Variants in STAP2 observed in about 807,000 individuals in gnomAD.
STAP2 encodes the protein signal transducing adaptor family member 2.
A neutral mutation model predicts 52.7 loss-of-function variants in STAP2; 58 were observed. That is an observed-to-expected ratio of 1.10 (90% CI 0.89 to 1.37). The LOEUF is 1.37. STAP2 is among the 40% of genes most tolerant of loss of function. STAP2 has a pLI of 0.00. For missense variants in STAP2, 522 were observed against 519.4 expected (o/e 1.00, Z -0.05); for synonymous variants, 231 against 210.5 (o/e 1.10, Z -0.84).
At chr19:4,338,378 A>G (rs923809383) in intron 1 of STAP2, 2 of 268,206 alleles carry the variant, frequency 7.5e-6, no homozygotes, top group Admixed American at 5.3e-5. Flanking sequence ...GATTGAGACA[A>G]AGAGAGAGGG....
intron 1 of STAP2, among the ~76,000 whole-genome samples, chr19:4,334,868 TCCCTC>T (rs1227590769): frequency 0.076 from 490 of 6,482 alleles, 1 homozygote; most frequent in Middle Eastern, 0.1. Context: ...TATCAATGCA[TCCCTC>T]CATCCATCCA....
chr19:4,324,749 T>C (rs1971756910), intron 11 of STAP2: 1 of 522,060 alleles, frequency 1.9e-6, no homozygotes, highest in South Asian at 2.1e-5. Context: ...GGAGAATCAC[T>C]TGAACCCGGC....
chr19:4,338,467 C>T (rs1292334024), intron 1 of STAP2, among the ~76,000 whole-genome samples, 185 bp downstream of exon 1: 2 of 152,152 alleles, frequency 1.3e-5, no homozygotes, highest in East Asian at 1.9e-4. Context: ...CAAAGACACA[C>T]GGAGACAGAG....
Position 4,327,384 on chromosome 19 carries a change from T to C in STAP2, c.592A>G (p.Thr198Ala), listed in dbSNP as rs201322610. 3.3e-4 allele frequency: 531 copies of C among 1,614,092 alleles called. 1 individual carries two copies. In the East Asian group the frequency reaches 9.6e-3, roughly 29 times the overall value. The change falls in exon 7 of 13, where the codon ACG (threonine) becomes GCG (alanine). Residue 198 changes from threonine (T) to alanine (A), a missense_variant and splice_region_variant. Physicochemically the swap from Thr to Ala is moderately conservative, Grantham distance 58. Coordinates refer to ENST00000594605, the MANE Select transcript of STAP2 (RefSeq NM_001013841.2). ...ACCTTGTAATGCCGGACCACGTGCG[T>C]CCTGCACCAGGAGAAAGCGAGTGAG... ...SVTTRQMHNG[T>A]HVVRHYKVKR...
chr19:4,328,687 T>C lies in STAP2; in HGVS notation c.578A>G (p.Gln193Arg), dbSNP rs755997585. The change falls in exon 6 of 13, where the codon CAG becomes CGG. Residue 193 changes from glutamine to arginine, a missense_variant. Coordinates refer to ENST00000594605, the MANE Select transcript of STAP2 (RefSeq NM_001013841.2). ...CGCGCATGCGCACCCGTTGTGCATC[T>C]GCCGCGTGGTGACCGACACGCCGTC... ...GADGVSVTTR[Q>R]MHNGTHVVRH... The C allele has an allele frequency of 1.2e-4, 181 of 1,501,150 alleles. 5 individuals are homozygous for C. In the South Asian group the frequency reaches 1.8e-3, roughly 15 times the overall value. The allele number at this position is 1,501,150 out of a possible 1,614,324, so 93.0% of individuals were successfully genotyped here.
chr19:4,338,564 C>CCT, intron 1 of STAP2, 88 bp downstream of exon 1: 4 of 857,372 alleles, frequency 4.7e-6, no homozygotes, highest in South Asian at 1.7e-5. Flanking sequence ...CCCGCCCCCC[C>CCT]TTGGCGAGTG....
At position 4,333,768 on chromosome 19, in the gene STAP2, T is replaced by G. The variant is rs771216248; in HGVS notation, c.223A>C (p.Ile75Leu). Residue 75 changes from isoleucine (I) to leucine (L), a missense_variant, in exon 3 of 13, where the codon ATT becomes CTT. Physicochemically the swap from Ile to Leu is conservative, Grantham distance 5. Coordinates refer to ENST00000594605, the MANE Select transcript of STAP2 (RefSeq NM_001013841.2). ...GGGTCACGTGAGCTTCCCCAGGGAA[T>G]CTCATCTGTGAGTTTCTCAAATGCT... ...LGAFEKLTDE[I>L]PWGSSRDPGT... 8 of 1,613,512 alleles carry G rather than the reference T, an allele frequency of 5.0e-6. No individual in the cohort carries two copies. Among genetic ancestry groups the G allele is most frequent in the Non-Finnish European group, 5.9e-6 (7 of 1,179,978 alleles).
chr19:4,332,798 A>C (rs1568387683), intron 3 of STAP2, among the ~76,000 whole-genome samples: 4 of 152,114 alleles, frequency 2.6e-5, no homozygotes, highest in African/African-American at 9.7e-5. Flanking sequence ...ACTGCACTCC[A>C]GCCTGGGCGA....
chr19:4,329,886 TCA>T, intron 5 of STAP2, 73 bp downstream of exon 5: 1 of 936,598 alleles, frequency 1.1e-6, no homozygotes, highest in South Asian at 1.5e-5. Flanking sequence ...GGGACCCAAC[TCA>T]CCGCCCACCC....
chr19:4,332,249 C>A (rs1455387735), intron 3 of STAP2, among the ~76,000 whole-genome samples, 171 bp from the exon 4 acceptor site: 4 of 140,602 alleles, frequency 2.8e-5, no homozygotes, highest in African/African-American at 1.1e-4. Context: ...CTTCTGTCGC[C>A]CAGGCTAGAG....
intron 12 of STAP2, 33 bp from the exon 13 acceptor site, chr19:4,324,230 T>C: frequency 1.3e-6 from 2 of 1,548,084 alleles, no homozygotes; most frequent in Non-Finnish European, 1.7e-6. Context: ...TGCAGCTGGC[T>C]CAGGGATCCC....
chr19:4,336,226 G>A (rs1294695802), intron 1 of STAP2, among the ~76,000 whole-genome samples: 3 of 151,514 alleles, frequency 2.0e-5, no homozygotes, highest in Non-Finnish European at 4.4e-5. Flanking sequence ...TGTTGGCCAG[G>A]GTGTTCTCGA....
At chr19:4,331,804 C>T (rs1199287056) in intron 4 of STAP2, among the ~76,000 whole-genome samples, 3 of 151,910 alleles carry the variant, frequency 2.0e-5, no homozygotes, top group Non-Finnish European at 4.4e-5. Context: ...TGGTGGCGGG[C>T]TTCTGTAATC....
chr19:4,336,630 CT>C (rs930479673), intron 1 of STAP2, among the ~76,000 whole-genome samples: 36 of 146,656 alleles, frequency 2.5e-4, no homozygotes, highest in Admixed American at 1.5e-3. Flanking sequence ...TCTTTCTTTT[CT>C]TTTTTTTTTC....
chr19:4,332,562 G>T (rs1381407971), intron 3 of STAP2, among the ~76,000 whole-genome samples: 1 of 152,022 alleles, frequency 6.6e-6, no homozygotes, highest in African/African-American at 2.4e-5. Flanking sequence ...GATCAGGCTG[G>T]ATGCAGTGGC....
intron 1 of STAP2, among the ~76,000 whole-genome samples, chr19:4,337,540 C>T (rs1971999154): frequency 7.4e-6 from 1 of 135,826 alleles, no homozygotes; most frequent in Non-Finnish European, 1.6e-5. Context: ...CCAGCAAGAC[C>T]CCATCTTCAA....
At chr19:4,335,213 C>G (rs1971963055) in intron 1 of STAP2, among the ~76,000 whole-genome samples, 1 of 150,512 alleles carries the variant, frequency 6.6e-6, no homozygotes, top group South Asian at 2.1e-4. Flanking sequence ...TCCATCCACT[C>G]ATCCCTCCAT....
At chr19:4,337,939 G>A (rs1397440620) in intron 1 of STAP2, among the ~76,000 whole-genome samples, 3 of 152,176 alleles carry the variant, frequency 2.0e-5, no homozygotes. Context: ...AGGTTCACTT[G>A]AGCCCAGGAG....
At chr19:4,336,835 A>G (rs964428561) in intron 1 of STAP2, among the ~76,000 whole-genome samples, 2 of 146,286 alleles carry the variant, frequency 1.4e-5, no homozygotes, top group Admixed American at 6.9e-5. Flanking sequence ...AGGTTTCACC[A>G]TATTGGCCAG....
Sources: allele counts gnomAD v4.1 joint callset (sites outside exome capture counted in the v4.1 genomes callset), GRCh38; gene constraint gnomAD v4.1.1; transcripts MANE v1.5; gene names NCBI Gene and HGNC (gene_info 2026-07-23, HGNC 2026-07-21).